CPAP: variants seen among roughly 807,000 people sequenced by gnomAD.
The protein encoded by CPAP is centrosome assembly and centriole elongation protein, also known as centrosomal P4.1-associated protein.
chr13:24,927,200 T>TG, the CPAP span, among the ~76,000 whole-genome samples: 44 of 152,176 alleles, frequency 2.9e-4, no homozygotes, highest in South Asian at 1.5e-3. Flanking sequence ...ATTAGCCCAA[T>TG]GGGGGGGTCA....
At chr13:24,913,503 G>C in the CPAP span, among the ~76,000 whole-genome samples, 5 of 152,010 alleles carry the variant, frequency 3.3e-5, no homozygotes, top group African/African-American at 7.2e-5. Context: ...TTTCTCCCTA[G>C]TTCTAGCACA....
the CPAP span, chr13:24,922,805 C>T: frequency 1.3e-5 from 2 of 152,438 alleles, no homozygotes; most frequent in Admixed American, 1.3e-4. Context: ...ACCGACACCT[C>T]AATCTCCGCA....
chr13:24,930,063 A>C, the CPAP span, among the ~76,000 whole-genome samples: 11 of 151,752 alleles, frequency 7.2e-5, no homozygotes, highest in African/African-American at 2.7e-4. Context: ...GACATGCACC[A>C]CCATGCCCAG....
the CPAP span, chr13:24,906,517 T>C: frequency 7.4e-6 from 12 of 1,614,242 alleles, no homozygotes; most frequent in Non-Finnish European, 9.3e-6. Flanking sequence ...CGCAAGGTTT[T>C]GGACACTCAG....
At chr13:24,895,471 G>C in the CPAP span, among the ~76,000 whole-genome samples, 1 of 152,352 alleles carries the variant, frequency 6.6e-6, no homozygotes, top group Admixed American at 6.5e-5. Context: ...CCAGCTACTG[G>C]GGAGGCTGAG....
chr13:24,909,807 T>C, the CPAP span: 2 of 1,612,352 alleles, frequency 1.2e-6, no homozygotes, highest in East Asian at 2.2e-5. Flanking sequence ...ATGGTTACGG[T>C]TTTCTTCTTT....
the CPAP span, among the ~76,000 whole-genome samples, chr13:24,923,281 C>T: frequency 6.7e-6 from 1 of 149,392 alleles, no homozygotes; most frequent in African/African-American, 2.5e-5. Context: ...TCTATTTTGT[C>T]GTTTTTTTGG....
chr13:24,904,448 A>C, the CPAP span, among the ~76,000 whole-genome samples: 1 of 152,194 alleles, frequency 6.6e-6, no homozygotes, highest in Non-Finnish European at 1.5e-5. Flanking sequence ...AATAAATGCA[A>C]ATTGTTTTCC....
the CPAP span, among the ~76,000 whole-genome samples, chr13:24,919,819 A>G: frequency 2.0e-5 from 3 of 152,194 alleles, no homozygotes; most frequent in South Asian, 6.2e-4. Context: ...GCTGAAGTGC[A>G]TTGGCACAAT....
the CPAP span, chr13:24,882,874 G>GTTTTTTTTTTTT: frequency 2.8e-6 from 1 of 360,512 alleles, no homozygotes. Flanking sequence ...GTACTTCTTG[G>GTTTTTTTTTTTT]TTTTTTTTTA....
At chr13:24,917,043 G>A in the CPAP span, among the ~76,000 whole-genome samples, 1 of 152,168 alleles carries the variant, frequency 6.6e-6, no homozygotes, top group Non-Finnish European at 1.5e-5. Flanking sequence ...GAGGTCAGGA[G>A]ATCGAGACCA....
At chr13:24,916,562 CAG>C in the CPAP span, among the ~76,000 whole-genome samples, 3 of 152,130 alleles carry the variant, frequency 2.0e-5, no homozygotes, top group African/African-American at 7.2e-5. Context: ...GTAGGAAAAA[CAG>C]AAACTCTTTT....
the CPAP span, chr13:24,884,506 A>G: frequency 1.2e-6 from 2 of 1,603,372 alleles, no homozygotes; most frequent in Non-Finnish European, 1.7e-6. Context: ...TTTTCTCCTG[A>G]CGAAAGTATG....
At chr13:24,889,575 GT>G in the CPAP span, among the ~76,000 whole-genome samples, 1 of 93,186 alleles carries the variant, frequency 1.1e-5, no homozygotes, top group Non-Finnish European at 2.9e-5. Flanking sequence ...ATCACTGCGC[GT>G]GTGCACACAC....
chr13:24,898,466 T>G, the CPAP span, among the ~76,000 whole-genome samples: 126,252 of 152,092 alleles, frequency 0.83, 52,549 homozygotes, highest in East Asian at 0.9. Flanking sequence ...GAGCAAGGGT[T>G]GGGGAGGAAT....
chr13:24,895,226 C>G, the CPAP span, among the ~76,000 whole-genome samples: 1 of 152,242 alleles, frequency 6.6e-6, no homozygotes, highest in Middle Eastern at 3.2e-3. Context: ...AGAGCAGCCC[C>G]GGAGGAGCCC....
At chr13:24,896,222 A>C in the CPAP span, among the ~76,000 whole-genome samples, 1 of 152,216 alleles carries the variant, frequency 6.6e-6, no homozygotes, top group Admixed American at 6.5e-5. Context: ...ACAGGGTCCA[A>C]ACTTCAATCA....
the CPAP span, chr13:24,906,021 T>G: frequency 6.2e-7 from 1 of 1,614,084 alleles, no homozygotes; most frequent in African/African-American, 1.3e-5. Context: ...TTCCTGATTT[T>G]ACAAGGCTGT....
the CPAP span, among the ~76,000 whole-genome samples, chr13:24,916,515 C>T: frequency 3.9e-5 from 6 of 152,086 alleles, no homozygotes; most frequent in African/African-American, 1.4e-4. Flanking sequence ...TTTTTTCCCA[C>T]CCTGGGTTGG....
Sources: gnomAD v4.1 joint callset for allele counts (sites outside exome capture counted in the v4.1 genomes callset) on GRCh38, gnomAD v4.1.1 for gene constraint, MANE v1.5 for transcripts, NCBI Gene and HGNC (gene_info 2026-07-23, HGNC 2026-07-21) for gene names.